The following SLIT3 variants were observed in gnomAD, a reference collection of about 807,000 sequenced individuals.
SLIT3 encodes slit homolog 3 protein.
Under a neutral mutation model 184.0 loss-of-function variants are expected in SLIT3, and 68 were observed. That is an observed-to-expected ratio of 0.37 (90% CI 0.30 to 0.45). The LOEUF is 0.45. Among genes scored for constraint, SLIT3 ranks in the 20% least tolerant of loss-of-function variants. The pLI, the probability that SLIT3 is intolerant of heterozygous loss-of-function variation, is 1.00. For missense variants in SLIT3, 1,707 were observed against 2,026.0 expected (o/e 0.84, Z 3.02); for synonymous variants, 831 against 828.6 (o/e 1.00, Z -0.05).
intron 26 of SLIT3, among the ~76,000 whole-genome samples, chr5:168,703,675 TG>T (rs1762286336): frequency 6.6e-6 from 1 of 151,968 alleles, no homozygotes; most frequent in Non-Finnish European, 1.5e-5. Context: ...CACTGGGGGC[TG>T]GGCGCAGTGC....
chr5:168,937,689 C>T (rs756986192), intron 4 of SLIT3, among the ~76,000 whole-genome samples: 3 of 152,082 alleles, frequency 2.0e-5, no homozygotes, highest in African/African-American at 2.4e-5. Context: ...GATCCCAGGT[C>T]GGTCACTGAT....
chr5:168,935,518 C>T (rs537068050), intron 4 of SLIT3, among the ~76,000 whole-genome samples: 144 of 152,266 alleles, frequency 9.5e-4, no homozygotes, highest in African/African-American at 2.9e-3. Context: ...TCATTCATTC[C>T]GTTAATTATA....
chr5:169,167,268 CTTTTTTTTTTTTT>C (rs11287374), intron 4 of SLIT3, among the ~76,000 whole-genome samples: 1 of 90,590 alleles, frequency 1.1e-5, no homozygotes, highest in Non-Finnish European at 2.0e-5. Context: ...GTTCTAAGCA[CTTTTTTTTTTTTT>C]TTTTTTTTTT....
At chr5:169,000,658 G>T (rs929347330) in intron 4 of SLIT3, among the ~76,000 whole-genome samples, 1 of 152,108 alleles carries the variant, frequency 6.6e-6, no homozygotes, top group African/African-American at 2.4e-5. Context: ...AGAGTTGAAC[G>T]TGATAGATCT....
chr5:168,772,435 A>G (rs2113535508), intron 14 of SLIT3: 1 of 282,772 alleles, frequency 3.5e-6, no homozygotes, highest in Admixed American at 5.0e-5. Context: ...TTGGAAACGA[A>G]AAATATAAAT....
chr5:168,762,933 C>T (rs1376739265), intron 14 of SLIT3, among the ~76,000 whole-genome samples: 1 of 152,156 alleles, frequency 6.6e-6, no homozygotes, highest in African/African-American at 2.4e-5. Context: ...AGACCAGACT[C>T]AAGATCTGTG....
intron 7 of SLIT3, among the ~76,000 whole-genome samples, chr5:168,817,841 A>G (rs534914626): frequency 2.0e-5 from 3 of 152,268 alleles, no homozygotes; most frequent in South Asian, 4.2e-4. Flanking sequence ...TTTAGCCAGC[A>G]TGAGTTACAG....
chr5:168,988,338 TC>T lies in SLIT3; in HGVS notation c.414-105003del, dbSNP rs573365181. Among the ~76,000 whole-genome samples, 38 of 152,250 alleles carry T rather than the reference TC, an allele frequency of 2.5e-4. 1 individual carries two copies. In the East Asian group the frequency reaches 7.3e-3, roughly 29 times the overall value. ...AAAAAGAAATTGTGGACATGCAATT[TC>T]CCAAAGTCCTACAATTCCATAATTT... On this transcript the variant is annotated intron_variant, in intron 4 of 35. Transcript: ENST00000519560.
chr5:169,088,480 G>A (rs1009648366), intron 4 of SLIT3, among the ~76,000 whole-genome samples: 1 of 149,910 alleles, frequency 6.7e-6, no homozygotes, highest in Non-Finnish European at 1.5e-5. Flanking sequence ...CAAACCCAAA[G>A]AGAATCACAG....
chr5:168,757,164 C>G (rs969285273), intron 16 of SLIT3, among the ~76,000 whole-genome samples: 1 of 152,074 alleles, frequency 6.6e-6, no homozygotes, highest in African/African-American at 2.4e-5. Flanking sequence ...AGTATCTTGC[C>G]CCAGATCCCA....
At chr5:169,026,761 T>C (rs569219236) in intron 4 of SLIT3, 1 of 152,090 alleles carries the variant, frequency 6.6e-6, no homozygotes, top group South Asian at 2.1e-4. Context: ...AAAACAATAT[T>C]TTATGCAGTG....
chr5:169,117,481 C>A (rs1760717246), intron 4 of SLIT3, among the ~76,000 whole-genome samples: 1 of 151,866 alleles, frequency 6.6e-6, no homozygotes, highest in South Asian at 2.1e-4. Context: ...ATGGCTGTTT[C>A]ATTGGGACTT....
Position 169,119,595 on chromosome 5 carries a change from G to GGCA in SLIT3, c.413+73881_413+73883dup, listed in dbSNP as rs149819759. Among the ~76,000 whole-genome samples the GGCA allele has an allele frequency of 7.9e-5, 12 of 152,230 alleles. No homozygotes were observed. In the South Asian group the frequency reaches 2.3e-3, roughly 29 times the overall value. ...ACTGACGTTTTCTGTCTACCAGGCT[G>GGCA]GCAGCAGCAGCAGCAGAGCCCTTCC... On this transcript the variant is annotated intron_variant, in intron 4 of 35. Transcript: ENST00000519560.
intron 5 of SLIT3, among the ~76,000 whole-genome samples, chr5:168,867,363 G>A (rs952297540): frequency 6.6e-6 from 1 of 152,228 alleles, no homozygotes; most frequent in African/African-American, 2.4e-5. Context: ...GAGTCGAGAT[G>A]GTGCTGGTGA....
intron 23 of SLIT3, among the ~76,000 whole-genome samples, chr5:168,716,000 ACT>A (rs1762714955): frequency 7.3e-6 from 1 of 137,420 alleles, no homozygotes; most frequent in South Asian, 2.3e-4. Context: ...ACAGAGTCTC[ACT>A]CTCTTGCCAA....
At position 169,047,171 on chromosome 5, in the gene SLIT3, C is replaced by T. The variant is rs541485767; in HGVS notation, c.413+146308G>A. Among the ~76,000 whole-genome samples the T allele has an allele frequency of 8.5e-5, 13 of 152,268 alleles. No homozygotes were observed. In the South Asian group the frequency reaches 2.7e-3, roughly 32 times the overall value. ...CCCCAACTCAACGGGCCCAAAAGTG[C>T]ACTCACTGACTCCTCCCTGGTTAAC... On this transcript the variant is annotated intron_variant, in intron 4 of 35. Transcript: ENST00000519560.
At position 168,662,804 on chromosome 5, in the gene SLIT3, C is replaced by T. The variant is rs1490516985; in HGVS notation, c.*3650G>A. 1.3e-5 allele frequency: 2 copies of T among 152,222 alleles called. No homozygotes were observed. Among genetic ancestry groups the T allele is most frequent in the Non-Finnish European group, 2.9e-5 (2 of 68,048 alleles). The allele number at this position is 152,222 out of a possible 1,614,324, so 9.4% of individuals were successfully genotyped here. A position where few individuals can be genotyped will look rare whatever the true frequency, so the allele number is the denominator to read the frequency against. On this transcript the variant is annotated 3_prime_UTR_variant, in exon 36 of 36. Transcript: ENST00000519560. ...CCTCTTCTGCCCACGTACATTGCCA[C>T]ACAAACACTGAACCACACTTTTTCA...
intron 8 of SLIT3, among the ~76,000 whole-genome samples, chr5:168,811,808 G>C (rs1757164591): frequency 6.6e-6 from 1 of 152,198 alleles, no homozygotes; most frequent in South Asian, 2.1e-4. Flanking sequence ...CAGTATGGAG[G>C]TTCCTCATAA....
rs1303537527 is a variant in SLIT3, at chr5:168,669,675, G to C, written c.4336+108C>G. ...AGGCTCAGAAAGTGACTGAACCAAGGTCATGCAGCCTTTAAGTGGCACAGC... is the reference window on the plus strand; with the variant it reads ...AGGCTCAGAAAGTGACTGAACCAAGCTCATGCAGCCTTTAAGTGGCACAGC... On this transcript the variant is annotated intron_variant, in intron 35 of 35. Transcript: ENST00000519560. 7 of 857,316 alleles carry C rather than the reference G, an allele frequency of 8.2e-6. No homozygotes were observed. In the East Asian group the frequency reaches 1.8e-4, roughly 23 times the overall value. The allele number at this position is 857,316 out of a possible 1,614,324, so 53.1% of individuals were successfully genotyped here. A position where few individuals can be genotyped will look rare whatever the true frequency, so the allele number is the denominator to read the frequency against.
Sources: gnomAD v4.1 joint callset for allele counts (sites outside exome capture counted in the v4.1 genomes callset) on GRCh38, gnomAD v4.1.1 for gene constraint, MANE v1.5 for transcripts, NCBI Gene and HGNC (gene_info 2026-07-23, HGNC 2026-07-21) for gene names.